Variants in RTF2 observed in about 807,000 individuals in gnomAD.
RTF2 encodes the protein replication termination factor 2, also known as UPF0549 protein C20orf43.
A neutral mutation model predicts 38.0 loss-of-function variants in RTF2; 18 were observed. The ratio of observed to expected loss-of-function variants is 0.47; its 90% confidence interval spans 0.33 to 0.70. The LOEUF is 0.70. RTF2 is among the 30% of genes least tolerant of loss of function. The probability of loss-of-function intolerance (pLI) is 0.02; values close to 1 mark genes in which losing one functional copy is unlikely to be tolerated. For missense variants in RTF2, 311 were observed against 379.6 expected (o/e 0.82, Z 1.50); for synonymous variants, 126 against 137.1 (o/e 0.92, Z 0.57).
rs1600815109 is a variant in RTF2 at position 56,496,568 on chromosome 20, T to C, written c.477+12379T>C. 4 of 1,408,344 alleles carry C rather than the reference T, an allele frequency of 2.8e-6. No individual in the cohort carries two copies. The East Asian group carries it at 1.0e-4, about 36-fold the overall frequency. 87.2% of individuals were successfully genotyped at this position (1,408,344 alleles called of 1,614,324 possible). On this transcript the variant is annotated intron_variant, in intron 5 of 8. Coordinates refer to ENST00000357348, the MANE Select transcript of RTF2 (RefSeq NM_016407.5). ...GTCTCAAAATCAGTCAGTCAATCAA[T>C]CAATCAATCAATCTATCTGCTGCTG...
At chr20:56,496,597 C>T in intron 5 of RTF2, 2 of 1,456,116 alleles carry the variant, frequency 1.4e-6, no homozygotes, top group Non-Finnish European at 1.8e-6. Context: ...GCTGCTGTTG[C>T]TGCTGACTGC....
chr20:56,507,508 C>T (rs1984357438), intron 5 of RTF2, among the ~76,000 whole-genome samples: 1 of 152,198 alleles, frequency 6.6e-6, no homozygotes, highest in Non-Finnish European at 1.5e-5. Context: ...GGGTTCCTGA[C>T]TTCTTATTGT....
At chr20:56,485,877 T>A (rs1476857215) in intron 5 of RTF2, among the ~76,000 whole-genome samples, 4 of 152,230 alleles carry the variant, frequency 2.6e-5, no homozygotes, top group Non-Finnish European at 5.9e-5. Context: ...TCTATTTTGC[T>A]TTTTGAGGCC....
At chr20:56,518,016 C>T in intron 8 of RTF2, 71 bp from the exon 9 acceptor site, 3 of 1,442,444 alleles carry the variant, frequency 2.1e-6, no homozygotes, top group Admixed American at 2.1e-5. Context: ...GATGGGCTTC[C>T]CTTCTGAGGA....
At chr20:56,495,111 C>T in intron 5 of RTF2, 1 of 867,426 alleles carries the variant, frequency 1.2e-6, no homozygotes, top group Non-Finnish European at 1.8e-6. Flanking sequence ...TAAACATGAT[C>T]CTCCGTCTTG....
intron 5 of RTF2, 139 bp downstream of exon 5, chr20:56,484,328 G>C: frequency 1.4e-6 from 1 of 717,260 alleles, no homozygotes; most frequent in Admixed American, 2.2e-5. Flanking sequence ...CTTGGTTGCT[G>C]GAAGTGCAGA....
At chr20:56,470,238 G>A (rs993269178) in intron 1 of RTF2, among the ~76,000 whole-genome samples, 2 of 152,218 alleles carry the variant, frequency 1.3e-5, no homozygotes, top group African/African-American at 2.4e-5. Flanking sequence ...CACCAAAAAA[G>A]TGTTTAGCTC....
chr20:56,474,623 T>G lies in RTF2; in HGVS notation c.165-55T>G, dbSNP rs191969641. On this transcript the variant is annotated intron_variant, in intron 2 of 8. Transcript: ENST00000357348. The stretch of plus-strand genomic sequence containing the variant: ...ATTGTGTTCAGTTTATTCTTCCTTC[T>G]TTGGTTATTTGAAAGTCGCTTGTTG... 625 of 1,127,092 alleles carry G rather than the reference T, an allele frequency of 5.5e-4. 2 individuals are homozygous for G. In the African/African-American group the frequency reaches 9.0e-3, roughly 16 times the overall value. 69.8% of individuals were successfully genotyped at this position (1,127,092 alleles called of 1,614,324 possible). A position where few individuals can be genotyped will look rare whatever the true frequency, so the allele number is the denominator to read the frequency against.
At chr20:56,482,503 A>G (rs1982576158) in intron 4 of RTF2, among the ~76,000 whole-genome samples, 3 of 152,254 alleles carry the variant, frequency 2.0e-5, no homozygotes, top group Non-Finnish European at 4.4e-5. Flanking sequence ...TATAGAGGAT[A>G]TAGAGGGCCA....
intron 5 of RTF2, chr20:56,496,611 G>A (rs1983556075): frequency 6.8e-7 from 1 of 1,466,266 alleles, no homozygotes; most frequent in Non-Finnish European, 9.0e-7. Flanking sequence ...TGACTGCACA[G>A]GCATCCATAT....
At chr20:56,502,130 G>C (rs1379552780) in intron 5 of RTF2, among the ~76,000 whole-genome samples, 1 of 152,196 alleles carries the variant, frequency 6.6e-6, no homozygotes, top group Non-Finnish European at 1.5e-5. Flanking sequence ...AAGAGATACA[G>C]TAGAGTATCT....
At chr20:56,513,269 C>T in intron 5 of RTF2, 46 bp from the exon 6 acceptor site, 3 of 1,555,998 alleles carry the variant, frequency 1.9e-6, no homozygotes, top group Non-Finnish European at 2.6e-6. Context: ...GTGGCCTCCC[C>T]ATTGACTGGT....
intron 3 of RTF2, among the ~76,000 whole-genome samples, chr20:56,475,664 C>A (rs1429110490): frequency 6.6e-6 from 1 of 152,030 alleles, no homozygotes; most frequent in Non-Finnish European, 1.5e-5. Flanking sequence ...GTTCATAATG[C>A]TATGATTGGG....
At chr20:56,495,721 C>A (rs529714973) in intron 5 of RTF2, among the ~76,000 whole-genome samples, 5 of 152,238 alleles carry the variant, frequency 3.3e-5, no homozygotes, top group South Asian at 4.1e-4. Context: ...ATTAAAAAAA[C>A]CCCAACCAAT....
intron 4 of RTF2, among the ~76,000 whole-genome samples, chr20:56,481,682 T>C (rs1223117479): frequency 6.6e-6 from 1 of 152,162 alleles, no homozygotes; most frequent in Non-Finnish European, 1.5e-5. Context: ...CACATAAAAT[T>C]GGCCATTTTA....
intron 6 of RTF2, chr20:56,513,803 G>C (rs910452032): frequency 4.5e-6 from 1 of 221,972 alleles, no homozygotes; most frequent in Non-Finnish European, 9.4e-6. Flanking sequence ...TACTGTTGCT[G>C]TTGATTTAAG....
At chr20:56,473,777 G>C (rs146002271) in intron 2 of RTF2, among the ~76,000 whole-genome samples, 3 of 152,264 alleles carry the variant, frequency 2.0e-5, no homozygotes, top group African/African-American at 7.2e-5. Context: ...AGTCCCAGCT[G>C]TTCAGGAGGC....
intron 1 of RTF2, 39 bp downstream of exon 1, chr20:56,468,805 TG>T: frequency 6.5e-7 from 1 of 1,529,676 alleles, no homozygotes; most frequent in Non-Finnish European, 8.9e-7. Context: ...CCGGGGGTGG[TG>T]GGAATTTGAC....
intron 5 of RTF2, among the ~76,000 whole-genome samples, chr20:56,510,769 GTC>G (rs1042425728): frequency 6.6e-6 from 1 of 152,188 alleles, no homozygotes; most frequent in Admixed American, 6.5e-5. Context: ...GCAAAACCCT[GTC>G]TCTACAAAAA....
Sources: gnomAD v4.1 joint callset for allele counts (sites outside exome capture counted in the v4.1 genomes callset) on GRCh38, gnomAD v4.1.1 for gene constraint, MANE v1.5 for transcripts, NCBI Gene and HGNC (gene_info 2026-07-23, HGNC 2026-07-21) for gene names.